Variants in ZBTB40 observed in about 807,000 individuals in gnomAD.
ZBTB40 encodes zinc finger and BTB domain-containing protein 40.
A neutral mutation model predicts 117.5 loss-of-function variants in ZBTB40; 60 were observed. That is an observed-to-expected ratio of 0.51 (90% CI 0.41 to 0.63). The LOEUF (loss-of-function observed/expected upper bound fraction) is 0.63, where lower values mean the gene tolerates loss of function less well. ZBTB40 is among the 30% of genes least tolerant of loss of function. The pLI is 0.00. For synonymous variants in ZBTB40, 525 were observed against 577.1 expected (o/e 0.91, Z 1.29); for missense variants, 1,287 against 1,498.5 (o/e 0.86, Z 2.33).
At chr1:22,470,549 G>T (rs146655621) in intron 1 of ZBTB40, among the ~76,000 whole-genome samples, 1 of 152,192 alleles carries the variant, frequency 6.6e-6, no homozygotes, top group Non-Finnish European at 1.5e-5. Context: ...TTCTGATCTG[G>T]TATAGACAGA....
chr1:22,491,624 G>T, intron 3 of ZBTB40, 91 bp downstream of exon 3: 1 of 1,384,360 alleles, frequency 7.2e-7, no homozygotes, highest in Non-Finnish European at 1.0e-6. Context: ...ATAGCCCAGG[G>T]TTTCAATGTT....
intron 6 of ZBTB40, among the ~76,000 whole-genome samples, chr1:22,506,741 C>T (rs929777256): frequency 2.0e-5 from 3 of 152,158 alleles, no homozygotes; most frequent in African/African-American, 7.2e-5. Context: ...CAACTCTTCC[C>T]TGTCCCAGAG....
chr1:22,464,174 A>G (rs993526246), intron 1 of ZBTB40, among the ~76,000 whole-genome samples: 5 of 152,238 alleles, frequency 3.3e-5, no homozygotes, highest in African/African-American at 1.2e-4. Context: ...TGCATTTTGT[A>G]GATGAGGAAA....
intron 7 of ZBTB40, 27 bp from the exon 8 acceptor site, chr1:22,508,503 C>G: frequency 1.9e-6 from 3 of 1,613,332 alleles, no homozygotes; most frequent in Non-Finnish European, 2.5e-6. Context: ...GAGTCTCTTA[C>G]GTGAGTGTTT....
intron 1 of ZBTB40, among the ~76,000 whole-genome samples, chr1:22,465,561 T>G (rs1226064936): frequency 1.3e-5 from 2 of 152,200 alleles, no homozygotes; most frequent in Admixed American, 1.3e-4. Context: ...ACCTGCCCCC[T>G]TCTACCTGGG....
chr1:22,460,625 A>T (rs548232333), intron 1 of ZBTB40, among the ~76,000 whole-genome samples: 2 of 152,204 alleles, frequency 1.3e-5, no homozygotes, highest in African/African-American at 4.8e-5. Context: ...GAGCTCCCAT[A>T]TACTTGTTAA....
intron 13 of ZBTB40, chr1:22,519,826 G>A: frequency 1.7e-6 from 1 of 591,150 alleles, no homozygotes; most frequent in Non-Finnish European, 3.0e-6. Flanking sequence ...TGATGCTGCA[G>A]AGACAGTTAG....
intron 1 of ZBTB40, among the ~76,000 whole-genome samples, chr1:22,454,557 G>A (rs1640961321): frequency 6.6e-6 from 1 of 152,220 alleles, no homozygotes; most frequent in Admixed American, 6.5e-5. Context: ...GCAAGAAGGG[G>A]AAAGGGAGAG....
chr1:22,507,667 T>G (rs1355174266), intron 6 of ZBTB40, among the ~76,000 whole-genome samples: 4 of 152,142 alleles, frequency 2.6e-5, no homozygotes, highest in Admixed American at 2.6e-4. Flanking sequence ...ATCCTCTACC[T>G]CAGGCTTGAC....
At chr1:22,474,768 T>C (rs1030283566) in intron 1 of ZBTB40, among the ~76,000 whole-genome samples, 1 of 152,076 alleles carries the variant, frequency 6.6e-6, no homozygotes, top group Non-Finnish European at 1.5e-5. Flanking sequence ...TGGACTAAGG[T>C]CATTTGGTCA....
At chr1:22,514,929 C>A (rs1447876211) in intron 12 of ZBTB40, among the ~76,000 whole-genome samples, 2 of 152,164 alleles carry the variant, frequency 1.3e-5, no homozygotes, top group African/African-American at 2.4e-5. Flanking sequence ...AATATACGCA[C>A]CCCTGTCATG....
intron 13 of ZBTB40, chr1:22,519,771 A>G (rs1387318049): frequency 4.4e-6 from 2 of 449,686 alleles, no homozygotes; most frequent in Non-Finnish European, 8.3e-6. Flanking sequence ...GATAAAGTGT[A>G]ATTTAACTTG....
intron 9 of ZBTB40, among the ~76,000 whole-genome samples, chr1:22,510,976 T>G (rs928455093): frequency 3.9e-5 from 6 of 152,224 alleles, no homozygotes; most frequent in African/African-American, 9.6e-5. Flanking sequence ...GATACATGCT[T>G]CTTTTTTTCT....
chr1:22,505,989 G>A (rs1289018027), intron 5 of ZBTB40, 60 bp from the exon 6 acceptor site: 28 of 1,578,100 alleles, frequency 1.8e-5, no homozygotes, highest in Non-Finnish European at 2.3e-5. Flanking sequence ...TTCCAGTAGT[G>A]TGTCAGATAA....
Position 22,511,916 on chromosome 1 carries a change from A to G in ZBTB40, c.2243A>G (p.Tyr748Cys), listed in dbSNP as rs1386666593. 1.2e-6 allele frequency: 2 copies of G among 1,614,210 alleles called. No homozygotes were observed. The highest frequency in any genetic ancestry group is 1.3e-5 in the African/African-American group (1 of 75,064). The part of the protein sequence containing the change: ...CKACDKSFHF[Y>C]CRLKVHMKRC... ...GCCTGCGACAAAAGCTTCCATTTCTACTGCCGCCTAAAGGTGCACATGAAG... is the reference window on the plus strand; with the variant it reads ...GCCTGCGACAAAAGCTTCCATTTCTGCTGCCGCCTAAAGGTGCACATGAAG... Residue 748 changes from tyrosine to cysteine, a missense_variant, in exon 11 of 18, where the codon TAC (tyrosine) becomes TGC (cysteine). This residue lies in a region of ZBTB40 where 870 missense variants were observed against 934.4 expected (regional missense o/e 0.93). Transcript: ENST00000375647.
At chr1:22,500,434 C>A (rs985294378) in intron 3 of ZBTB40, among the ~76,000 whole-genome samples, 2 of 151,996 alleles carry the variant, frequency 1.3e-5, no homozygotes, top group East Asian at 3.9e-4. Flanking sequence ...TAAAGCTATA[C>A]ATGTGAGAGC....
In ZBTB40 at chr1:22,490,430, C is replaced by A; in HGVS notation, c.482C>A (p.Pro161Gln). 2 of 1,607,840 alleles carry A rather than the reference C, an allele frequency of 1.2e-6. No individual in the cohort carries two copies. The highest frequency in any genetic ancestry group is 1.7e-6 in the Non-Finnish European group (2 of 1,175,954). ...GGTGCTGGAGAGCCTCATTCTTCCC[C>A]AGAGCTTGCTGCCACTCCAGGGGGC... ...SEGAGEPHSSPELAATPGGPV... is the reference protein window; with the variant it reads ...SEGAGEPHSSQELAATPGGPV... Residue 161 changes from proline to glutamine, a missense_variant, in exon 2 of 18, where the codon CCA becomes CAA. Around this residue, in one of 2 missense-constraint regions of ZBTB40, gnomAD observed 870 missense variants for 934.4 expected, o/e 0.93. Transcript: ENST00000375647.
chr1:22,478,001 C>T (rs1164786009), intron 1 of ZBTB40, among the ~76,000 whole-genome samples: 1 of 152,196 alleles, frequency 6.6e-6, no homozygotes, highest in Non-Finnish European at 1.5e-5. Flanking sequence ...TGTACATAAA[C>T]GTACATAGTT....
In ZBTB40 at chr1:22,522,474, CT is replaced by C; in HGVS notation, c.3298+12del. ...AGTGCCAGCATTCAGGTCAGTACCCCTGTCAGCATACTTCTAGGCTAGACTC... is the reference window on the plus strand; with the variant it reads ...AGTGCCAGCATTCAGGTCAGTACCCCGTCAGCATACTTCTAGGCTAGACTC... On this transcript the variant is annotated intron_variant, in intron 16 of 17. Transcript: ENST00000375647. The C allele has an allele frequency of 6.2e-7, 1 of 1,613,966 alleles. No individual in the cohort carries two copies.
Sources: allele counts gnomAD v4.1 joint callset (sites outside exome capture counted in the v4.1 genomes callset), GRCh38; gene constraint gnomAD v4.1.1; regional missense constraint gnomAD v4.1.1; transcripts MANE v1.5; gene names NCBI Gene and HGNC (gene_info 2026-07-23, HGNC 2026-07-21).